RGS5: variants seen among roughly 807,000 people sequenced by gnomAD.
RGS5 encodes the protein regulator of G protein signaling 5, also known as regulator of G-protein signalling 5.
A neutral mutation model predicts 18.9 loss-of-function variants in RGS5; 20 were observed. The ratio of observed to expected loss-of-function variants is 1.06; its 90% CI spans 0.74 to 1.54. The LOEUF is 1.54. RGS5 is among the 40% of genes most tolerant of loss of function. The pLI is 0.00. For missense variants in RGS5, 201 were observed against 211.8 expected (o/e 0.95, Z 0.32); for synonymous variants, 57 against 76.2 (o/e 0.75, Z 1.31).
At chr1:163,247,333 A>C (rs747182345) in intron 2 of RGS5, among the ~76,000 whole-genome samples, 27 of 152,162 alleles carry the variant, frequency 1.8e-4, no homozygotes, top group Non-Finnish European at 3.7e-4. Context: ...TTGAGCTTTC[A>C]AGGTTTTTCT....
chr1:163,156,171 A>G (rs1328762412), intron 3 of RGS5, among the ~76,000 whole-genome samples: 1 of 152,190 alleles, frequency 6.6e-6, no homozygotes, highest in Non-Finnish European at 1.5e-5. Context: ...TTATTGGTTA[A>G]AAATTATATT....
At chr1:163,185,013 C>G (rs1659011567) in intron 1 of RGS5, among the ~76,000 whole-genome samples, 1 of 152,194 alleles carries the variant, frequency 6.6e-6, no homozygotes, top group African/African-American at 2.4e-5. Context: ...TCAGACTGTT[C>G]TGTGATCCTC....
chr1:163,286,419 G>A (rs1649148424), intron 2 of RGS5, among the ~76,000 whole-genome samples: 1 of 146,822 alleles, frequency 6.8e-6, no homozygotes, highest in Non-Finnish European at 1.5e-5. Context: ...AATTACATAT[G>A]TAAATTAATT....
intron 2 of RGS5, among the ~76,000 whole-genome samples, chr1:163,233,116 T>A (rs1445532885): frequency 1.3e-5 from 2 of 152,236 alleles, no homozygotes; most frequent in Non-Finnish European, 2.9e-5. Flanking sequence ...TTAATTTGGA[T>A]TTTTAAAAAA....
chr1:163,265,426 T>C (rs1417916435), intron 2 of RGS5, among the ~76,000 whole-genome samples: 1 of 152,186 alleles, frequency 6.6e-6, no homozygotes, highest in East Asian at 1.9e-4. Flanking sequence ...TCTCCTAGTC[T>C]TGTAAGGCAA....
chr1:163,292,734 C>T (rs1461532228), intron 2 of RGS5, among the ~76,000 whole-genome samples: 1 of 152,194 alleles, frequency 6.6e-6, no homozygotes, highest in Non-Finnish European at 1.5e-5. Flanking sequence ...GATGGTATCT[C>T]AATGTGCTTT....
chr1:163,316,710 T>G (rs1471980273), intron 1 of RGS5, among the ~76,000 whole-genome samples: 1 of 152,246 alleles, frequency 6.6e-6, no homozygotes, highest in Non-Finnish European at 1.5e-5. Context: ...AGAACACTTT[T>G]TATGTCATCT....
At chr1:163,228,527 G>A (rs1013973135) in intron 2 of RGS5, among the ~76,000 whole-genome samples, 12 of 152,166 alleles carry the variant, frequency 7.9e-5, no homozygotes, top group African/African-American at 1.4e-4. Flanking sequence ...CTAGGCCTCC[G>A]GGCCTGTGAT....
At chr1:163,267,224 T>C (rs981847093) in intron 2 of RGS5, 1 of 152,086 alleles carries the variant, frequency 6.6e-6, no homozygotes, top group Non-Finnish European at 1.5e-5. Flanking sequence ...AGGGTGTACA[T>C]GCTTTCACCC....
At chr1:163,170,874 G>A (rs1022705081) in intron 1 of RGS5, among the ~76,000 whole-genome samples, 3 of 152,064 alleles carry the variant, frequency 2.0e-5, no homozygotes, top group East Asian at 1.9e-4. Context: ...AATAAGTGTC[G>A]CTTTAATTCC....
intron 1 of RGS5, among the ~76,000 whole-genome samples, chr1:163,213,234 C>A (rs1330859061): frequency 6.7e-6 from 1 of 149,928 alleles, no homozygotes; most frequent in Non-Finnish European, 1.5e-5. Flanking sequence ...TGCTTTTTTC[C>A]AAAAAAAAAG....
At chr1:163,213,180 T>C (rs1363204354) in intron 1 of RGS5, among the ~76,000 whole-genome samples, 1 of 152,158 alleles carries the variant, frequency 6.6e-6, no homozygotes, top group Non-Finnish European at 1.5e-5. Context: ...ACTCATGTCC[T>C]GGATATAACA....
At chr1:163,188,466 T>C (rs1217277646) in intron 1 of RGS5, among the ~76,000 whole-genome samples, 1 of 152,170 alleles carries the variant, frequency 6.6e-6, no homozygotes, top group African/African-American at 2.4e-5. Context: ...CAGGAACTGC[T>C]GAAACCAGGG....
intron 2 of RGS5, among the ~76,000 whole-genome samples, chr1:163,234,575 T>TA (rs1647571530): frequency 6.6e-6 from 1 of 152,226 alleles, no homozygotes; most frequent in African/African-American, 2.4e-5. Flanking sequence ...GGAGTGTTCA[T>TA]ATGGAATGGT....
rs1282619058 is a variant in RGS5 at position 163,168,330 on chromosome 1, T to C, written c.83A>G (p.Gln28Arg). The C allele has an allele frequency of 6.2e-7, 1 of 1,613,930 alleles. No individual in the cohort carries two copies. The highest frequency in any genetic ancestry group is 1.7e-5 in the Admixed American group (1 of 60,020). The stretch of plus-strand genomic sequence containing the variant: ...AAGGTCACCAACTGAGTCTGGCTTC[T>C]GGAGGAGAATTCCCAACTTGATCTT... Reference protein sequence around the residue: ...EIKIKLGILLQKPDSVGDLVI... With the variant: ...EIKIKLGILLRKPDSVGDLVI... The change falls in exon 2 of 5, where the codon CAG (glutamine) becomes CGG (arginine). Residue 28 changes from glutamine (Q) to arginine (R), a missense_variant. Coordinates refer to ENST00000313961, the MANE Select transcript of RGS5 (RefSeq NM_003617.4).
chr1:163,144,346 C>T lies in RGS5; in HGVS notation c.*2996G>A, dbSNP rs913684154. 1.3e-5 allele frequency: 2 copies of T among 152,076 alleles called. No homozygotes were observed. The highest frequency in any genetic ancestry group is 2.9e-5 in the Non-Finnish European group (2 of 68,010). The allele number at this position is 152,076 out of a possible 1,614,324, so 9.4% of individuals were successfully genotyped here. On this transcript the variant is annotated 3_prime_UTR_variant, in exon 5 of 5. Coordinates refer to ENST00000313961, the MANE Select transcript of RGS5 (RefSeq NM_003617.4). ...TGGAGTTAATAGTCTGTCTCTTTGT[C>T]CTGATGTAATTTAGATCTTAATCTA...
chr1:163,145,451 A>C lies in RGS5; in HGVS notation c.*1891T>G, dbSNP rs1657093547. ...AGACATATGTTGAAGCTGGTTCTGG[A>C]AGTGCACCCTGGAAATTTTTATCTG... On this transcript the variant is annotated 3_prime_UTR_variant, in exon 5 of 5. Coordinates refer to ENST00000313961, the MANE Select transcript of RGS5 (RefSeq NM_003617.4). The C allele has an allele frequency of 6.6e-6, 1 of 152,100 alleles. No homozygotes were observed. Among genetic ancestry groups the C allele is most frequent in the Non-Finnish European group, 1.5e-5 (1 of 68,038 alleles). The allele number at this position is 152,100 out of a possible 1,614,324, so 9.4% of individuals were successfully genotyped here. A position where few individuals can be genotyped will look rare whatever the true frequency, so the allele number is the denominator to read the frequency against.
intron 2 of RGS5, among the ~76,000 whole-genome samples, chr1:163,298,242 A>T (rs1034918374): frequency 6.6e-6 from 1 of 152,170 alleles, no homozygotes; most frequent in Non-Finnish European, 1.5e-5. Context: ...ATACAAATAA[A>T]GATAACTAAT....
chr1:163,189,780 A>G (rs983904397), intron 1 of RGS5, among the ~76,000 whole-genome samples: 4 of 152,196 alleles, frequency 2.6e-5, no homozygotes, highest in Admixed American at 2.6e-4. Flanking sequence ...GCCTTTTGCT[A>G]TGAGTGGGTA....
Sources: allele counts gnomAD v4.1 joint callset (sites outside exome capture counted in the v4.1 genomes callset), GRCh38; gene constraint gnomAD v4.1.1; transcripts MANE v1.5; gene names NCBI Gene and HGNC (gene_info 2026-07-23, HGNC 2026-07-21).